The following PTPRD variants were observed in gnomAD, a reference collection of about 807,000 sequenced individuals.
PTPRD encodes the protein receptor-type tyrosine-protein phosphatase delta.
Under a neutral mutation model 214.5 loss-of-function variants are expected in PTPRD, and 34 were observed. The ratio of observed to expected loss-of-function variants is 0.16; its 90% CI spans 0.12 to 0.21. The LOEUF (loss-of-function observed/expected upper bound fraction) is 0.21. Ranked by LOEUF, PTPRD falls within the 10% of genes least tolerant of loss-of-function variation. The probability of loss-of-function intolerance (pLI) is 1.00; values close to 1 mark genes in which losing one functional copy is unlikely to be tolerated. For missense variants in PTPRD, 2,545 were observed against 2,398.7 expected, an observed-to-expected ratio of 1.06 and a Z score of -1.27; for synonymous variants, 1,128 against 845.7, an observed-to-expected ratio of 1.33 and a Z score of -5.79.
At chr9:8,779,078 G>A (rs2095595602) in intron 11 of PTPRD, among the ~76,000 whole-genome samples, 1 of 152,142 alleles carries the variant, frequency 6.6e-6, no homozygotes, top group African/African-American at 2.4e-5. Context: ...TCAGAGGCAA[G>A]CCCTGGGCTA....
At chr9:9,358,049 T>A (rs2054536608) in intron 9 of PTPRD, among the ~76,000 whole-genome samples, 1 of 151,012 alleles carries the variant, frequency 6.6e-6, no homozygotes, top group Non-Finnish European at 1.5e-5. Flanking sequence ...TTCTATAAGA[T>A]TTTTTTTGTT....
intron 11 of PTPRD, among the ~76,000 whole-genome samples, chr9:8,762,928 C>G (rs1252506209): frequency 6.6e-6 from 1 of 152,154 alleles, no homozygotes; most frequent in Non-Finnish European, 1.5e-5. Flanking sequence ...CATCTCCCAG[C>G]ATGGGATGGA....
At chr9:8,972,309 A>T (rs78854237) in intron 11 of PTPRD, among the ~76,000 whole-genome samples, 1 of 151,990 alleles carries the variant, frequency 6.6e-6, no homozygotes, top group Admixed American at 6.6e-5. Flanking sequence ...TCTATTAGAC[A>T]TGAATAAAAT....
chr9:9,427,351 G>C (rs1220516743), intron 8 of PTPRD, among the ~76,000 whole-genome samples: 1 of 152,146 alleles, frequency 6.6e-6, no homozygotes, highest in Non-Finnish European at 1.5e-5. Context: ...AGCGAGAAGA[G>C]AAGTTTAGAG....
rs4008232 is a variant in PTPRD, at chr9:8,315,939, CAT to C, written c.*1933_*1934del. Reference sequence around the variant, plus strand: ...TGTTGGAAGAATTGGGGGTAAGATACATATATATATATAGTTTATTTCCCCTT... The same window carrying C: ...TGTTGGAAGAATTGGGGGTAAGATACATATATATATAGTTTATTTCCCCTT... On this transcript the variant is annotated 3_prime_UTR_variant, in exon 46 of 46. Coordinates refer to ENST00000381196, the MANE Select transcript of PTPRD (RefSeq NM_002839.4). The C allele has an allele frequency of 0.44, 97,640 of 222,806 alleles. 25,159 individuals are homozygous for C. Among genetic ancestry groups the C allele is most frequent in the African/African-American group, 0.77 (34,169 of 44,596 alleles). 13.8% of individuals were successfully genotyped at this position (222,806 alleles called of 1,614,324 possible). A position where few individuals can be genotyped will look rare whatever the true frequency, so the allele number is the denominator to read the frequency against.
intron 14 of PTPRD, among the ~76,000 whole-genome samples, chr9:8,601,179 G>C (rs2094836210): frequency 6.6e-6 from 1 of 152,156 alleles, no homozygotes; most frequent in African/African-American, 2.4e-5. Flanking sequence ...GGACCGAAGA[G>C]TGAGAAGCAC....
At chr9:10,103,789 T>A (rs908061253) in intron 3 of PTPRD, among the ~76,000 whole-genome samples, 2 of 151,602 alleles carry the variant, frequency 1.3e-5, no homozygotes, top group African/African-American at 4.8e-5. Context: ...CAGGCCAATA[T>A]ATCATGTTCT....
chr9:9,893,524 A>G (rs2074053825), intron 5 of PTPRD, among the ~76,000 whole-genome samples: 1 of 152,158 alleles, frequency 6.6e-6, no homozygotes, highest in African/African-American at 2.4e-5. Flanking sequence ...TAAAAACTAT[A>G]TGTAGGAAAT....
intron 7 of PTPRD, among the ~76,000 whole-genome samples, chr9:9,601,380 T>A (rs2093758080): frequency 6.6e-6 from 1 of 152,004 alleles, no homozygotes; most frequent in Non-Finnish European, 1.5e-5. Flanking sequence ...TGTAGCTAAA[T>A]CAGGGAACTG....
intron 2 of PTPRD, among the ~76,000 whole-genome samples, chr9:10,517,971 C>T (rs908902258): frequency 5.9e-5 from 9 of 151,956 alleles, no homozygotes; most frequent in East Asian, 3.9e-4. Context: ...TTATTGAATA[C>T]GAATTGGAAT....
intron 4 of PTPRD, among the ~76,000 whole-genome samples, chr9:9,972,490 A>G (rs546888405): frequency 6.6e-6 from 1 of 152,136 alleles, no homozygotes; most frequent in Non-Finnish European, 1.5e-5. Context: ...CACTCCCTTC[A>G]TATTATAGAA....
intron 9 of PTPRD, among the ~76,000 whole-genome samples, chr9:9,337,816 A>C (rs956435860): frequency 8.5e-5 from 13 of 152,164 alleles, no homozygotes; most frequent in African/African-American, 2.9e-4. Context: ...ACTACATTAT[A>C]AGTTTCTCTA....
intron 3 of PTPRD, among the ~76,000 whole-genome samples, chr9:10,072,110 A>G (rs2098032898): frequency 6.6e-6 from 1 of 151,968 alleles, no homozygotes. Context: ...CATATCTAAT[A>G]ATATACTTGT....
chr9:9,694,959 TG>T (rs1453965136), intron 7 of PTPRD, among the ~76,000 whole-genome samples: 1 of 152,210 alleles, frequency 6.6e-6, no homozygotes, highest in African/African-American at 2.4e-5. Flanking sequence ...TACCCTACTG[TG>T]GCCAAGCTGG....
chr9:10,285,656 G>T (rs1182818318), intron 3 of PTPRD, among the ~76,000 whole-genome samples: 2 of 139,198 alleles, frequency 1.4e-5, no homozygotes, highest in African/African-American at 5.7e-5. Flanking sequence ...TGTCGCCCAG[G>T]CTGGAGGGCG....
intron 8 of PTPRD, among the ~76,000 whole-genome samples, chr9:9,516,006 T>C (rs968009962): frequency 2.6e-5 from 4 of 152,268 alleles, no homozygotes; most frequent in African/African-American, 9.6e-5. Context: ...TTGGAACTAA[T>C]TTATTTGTAC....
intron 8 of PTPRD, among the ~76,000 whole-genome samples, chr9:9,524,443 C>T (rs1036029843): frequency 6.6e-6 from 1 of 152,138 alleles, no homozygotes; most frequent in Admixed American, 6.5e-5. Flanking sequence ...TTGCTTAATA[C>T]TAATAATGCA....
intron 4 of PTPRD, among the ~76,000 whole-genome samples, chr9:9,990,807 G>A (rs1192475840): frequency 6.6e-6 from 1 of 152,192 alleles, no homozygotes; most frequent in Non-Finnish European, 1.5e-5. Context: ...ATACATTAGA[G>A]AGGATGTGCT....
chr9:8,690,290 G>C (rs141170602), intron 12 of PTPRD, among the ~76,000 whole-genome samples: 1,950 of 152,088 alleles, frequency 0.013, 22 homozygotes, highest in South Asian at 0.025. Context: ...CACTTTGGGA[G>C]GTCGAGGCGG....
Sources: gnomAD v4.1 joint callset for allele counts (sites outside exome capture counted in the v4.1 genomes callset) on GRCh38, gnomAD v4.1.1 for gene constraint, MANE v1.5 for transcripts, NCBI Gene and HGNC (gene_info 2026-07-23, HGNC 2026-07-21) for gene names.